SPON1: variants seen among roughly 807,000 people sequenced by gnomAD.
SPON1 encodes the protein spondin 1, also known as spondin-1.
Under a neutral mutation model 111.7 loss-of-function variants are expected in SPON1, and 52 were observed. That is an observed-to-expected ratio of 0.47 (90% CI 0.37 to 0.59). SPON1 has a LOEUF of 0.59. Among genes scored for constraint, SPON1 ranks in the 20% least tolerant of loss-of-function variants. The pLI, the probability that SPON1 is intolerant of heterozygous loss-of-function variation, is 0.00. For synonymous variants in SPON1, 410 were observed against 395.8 expected (o/e 1.04, Z -0.43); for missense variants, 957 against 1,068.5 (o/e 0.90, Z 1.46).
At chr11:14,238,472 G>T (rs1848889972) in intron 6 of SPON1, among the ~76,000 whole-genome samples, 1 of 152,170 alleles carries the variant, frequency 6.6e-6, no homozygotes, top group African/African-American at 2.4e-5. Flanking sequence ...TTCCTCATTG[G>T]GTGGCTGGCT....
chr11:13,993,787 G>C (rs562162679), intron 2 of SPON1, among the ~76,000 whole-genome samples: 1 of 152,354 alleles, frequency 6.6e-6, no homozygotes, highest in South Asian at 2.1e-4. Flanking sequence ...GAACAGGACA[G>C]AGCAGGCACA....
chr11:14,113,302 G>GCCA (rs1849239450), intron 5 of SPON1, among the ~76,000 whole-genome samples: 2 of 152,170 alleles, frequency 1.3e-5, no homozygotes, highest in South Asian at 4.1e-4. Context: ...GGACAAACCA[G>GCCA]CCACCAGCTA....
chr11:13,963,988 G>C (rs887070977), intron 1 of SPON1, among the ~76,000 whole-genome samples: 1 of 152,124 alleles, frequency 6.6e-6, no homozygotes, highest in Non-Finnish European at 1.5e-5. Context: ...CGCCTACGCC[G>C]CTCGGCTGAG....
chr11:14,094,519 G>A (rs923201015), intron 5 of SPON1, among the ~76,000 whole-genome samples: 1 of 151,552 alleles, frequency 6.6e-6, no homozygotes, highest in Non-Finnish European at 1.5e-5. Context: ...TTTTAAATTG[G>A]CATTGGTTTA....
intron 6 of SPON1, among the ~76,000 whole-genome samples, chr11:14,167,550 G>A (rs139206281): frequency 0.01 from 1,579 of 151,710 alleles, 25 homozygotes; most frequent in African/African-American, 0.036. Context: ...CTTAAAAATC[G>A]TCTTCAAAAA....
At chr11:14,094,708 G>A (rs782637259) in intron 5 of SPON1, among the ~76,000 whole-genome samples, 4 of 152,210 alleles carry the variant, frequency 2.6e-5, no homozygotes, top group Admixed American at 6.5e-5. Context: ...TGAATGAGAA[G>A]CAGTTACAAA....
chr11:14,097,961 A>G (rs1157196241), intron 5 of SPON1, among the ~76,000 whole-genome samples: 2 of 152,144 alleles, frequency 1.3e-5, no homozygotes, highest in Non-Finnish European at 2.9e-5. Context: ...GATGTTAAAT[A>G]TAGATGTACA....
chr11:13,971,373 T>C (rs1056286759), intron 1 of SPON1, among the ~76,000 whole-genome samples: 7 of 152,178 alleles, frequency 4.6e-5, no homozygotes, highest in African/African-American at 1.7e-4. Context: ...AAACTGGCTC[T>C]GAGTATCTGG....
At chr11:14,025,053 G>A (rs1043506480) in intron 2 of SPON1, among the ~76,000 whole-genome samples, 1 of 152,194 alleles carries the variant, frequency 6.6e-6, no homozygotes, top group African/African-American at 2.4e-5. Context: ...GCAAACTAGA[G>A]TGGGAAGAGA....
intron 2 of SPON1, among the ~76,000 whole-genome samples, chr11:13,991,150 T>TAATATCCTG (rs1848226782): frequency 6.6e-6 from 1 of 152,246 alleles, no homozygotes; most frequent in Non-Finnish European, 1.5e-5. Flanking sequence ...TTCTCCTGGA[T>TAATATCCTG]AATATCCTGA....
At chr11:14,242,578 T>C (rs2133918059) in intron 6 of SPON1, among the ~76,000 whole-genome samples, 1 of 152,272 alleles carries the variant, frequency 6.6e-6, no homozygotes, top group Non-Finnish European at 1.5e-5. Flanking sequence ...ACCCGCAGTG[T>C]GTAATTGAAA....
intron 7 of SPON1, among the ~76,000 whole-genome samples, chr11:14,246,394 A>G (rs1554940259): frequency 6.6e-6 from 1 of 152,194 alleles, no homozygotes; most frequent in Non-Finnish European, 1.5e-5. Flanking sequence ...CAGAGGTCCT[A>G]TGACAGCAAG....
chr11:14,018,476 G>T (rs1277109302), intron 2 of SPON1, among the ~76,000 whole-genome samples: 1 of 152,206 alleles, frequency 6.6e-6, no homozygotes, highest in Non-Finnish European at 1.5e-5. Flanking sequence ...CAACGGAGGG[G>T]CAGGGGCTGA....
intron 3 of SPON1, among the ~76,000 whole-genome samples, chr11:14,067,466 C>T (rs1187265251): frequency 6.6e-5 from 10 of 152,170 alleles, no homozygotes; most frequent in Admixed American, 6.5e-4. Context: ...ATGTCAAGGC[C>T]AGTGTCTTTG....
chr11:14,263,582 C>A (rs1045179304), intron 15 of SPON1, among the ~76,000 whole-genome samples: 1 of 152,030 alleles, frequency 6.6e-6, no homozygotes. Flanking sequence ...TAATATTGAT[C>A]CAAGCTGACA....
intron 7 of SPON1, among the ~76,000 whole-genome samples, chr11:14,250,078 G>C (rs1163666727): frequency 1.3e-5 from 2 of 152,068 alleles, no homozygotes; most frequent in African/African-American, 4.8e-5. Flanking sequence ...TATCTAGTGG[G>C]ATCATTGTCT....
intron 5 of SPON1, among the ~76,000 whole-genome samples, chr11:14,123,496 C>T (rs1402677966): frequency 6.6e-6 from 1 of 152,112 alleles, no homozygotes; most frequent in Non-Finnish European, 1.5e-5. Flanking sequence ...TTCTCTCTAA[C>T]ATGGATGGGT....
chr11:14,090,824 GCCCCCCCCCCCC>G (rs1176498162), intron 5 of SPON1, among the ~76,000 whole-genome samples: 6 of 45,580 alleles, frequency 1.3e-4, no homozygotes, highest in African/African-American at 5.9e-4. Flanking sequence ...CTCTTATCTG[GCCCCCCCCCCCC>G]CCCCCCCCGC....
chr11:14,126,831 C>G (rs1385814484), intron 5 of SPON1, among the ~76,000 whole-genome samples: 1 of 152,186 alleles, frequency 6.6e-6, no homozygotes, highest in Admixed American at 6.5e-5. Context: ...CTCTCCTCCT[C>G]TATTTACTAG....
Sources: allele counts gnomAD v4.1 joint callset (sites outside exome capture counted in the v4.1 genomes callset), GRCh38; gene constraint gnomAD v4.1.1; transcripts MANE v1.5; gene names NCBI Gene and HGNC (gene_info 2026-07-23, HGNC 2026-07-21).